Variants in GIGYF2 observed in about 807,000 individuals in gnomAD.
GIGYF2 encodes the protein GRB10-interacting GYF protein 2.
Under a neutral mutation model 208.1 loss-of-function variants are expected in GIGYF2, and 25 were observed. The ratio of observed to expected loss-of-function variants is 0.12; its 90% CI spans 0.09 to 0.17. The LOEUF (loss-of-function observed/expected upper bound fraction) is 0.17. Among genes scored for constraint, GIGYF2 ranks in the 10% least tolerant of loss-of-function variants. The pLI is 1.00. For missense variants in GIGYF2, 1,302 were observed against 1,579.4 expected (o/e 0.82, Z 2.98); for synonymous variants, 534 against 543.8 (o/e 0.98, Z 0.25).
chr2:232,819,740 C>G, intron 20 of GIGYF2, 87 bp from the exon 21 acceptor site: 2 of 779,648 alleles, frequency 2.6e-6, no homozygotes, highest in Non-Finnish European at 4.6e-6. Flanking sequence ...CAGCAGATAG[C>G]CTATTACTTT....
At chr2:232,750,753 G>GTA (rs1698308908) in intron 5 of GIGYF2, among the ~76,000 whole-genome samples, 1 of 151,594 alleles carries the variant, frequency 6.6e-6, no homozygotes, top group African/African-American at 2.4e-5. Context: ...GTGTGTGTGT[G>GTA]TGTGTGTATG....
chr2:232,747,167 G>A (rs975706863), intron 3 of GIGYF2, among the ~76,000 whole-genome samples: 15 of 152,128 alleles, frequency 9.9e-5, no homozygotes, highest in African/African-American at 2.9e-4. Flanking sequence ...ATTCTTTGAA[G>A]TGATTATTTC....
chr2:232,803,425 G>GT lies in GIGYF2; in HGVS notation c.1640-3058dup, dbSNP rs549141385. ...CTTTGCCTAGCTTTAGATGCCAATG[G>GT]TTTTTTTTGTGTGTGTGTGGAAAAA... On this transcript the variant is annotated intron_variant, in intron 14 of 28. Transcript: ENST00000373563. 5.6e-3 allele frequency among the ~76,000 whole-genome samples: 853 copies of GT among 151,756 alleles called. 11 individuals are homozygous for GT. The highest frequency in any genetic ancestry group is 0.02 in the African/African-American group (814 of 41,430).
At chr2:232,710,211 G>A (rs1335657282) in intron 2 of GIGYF2, among the ~76,000 whole-genome samples, 3 of 151,878 alleles carry the variant, frequency 2.0e-5, no homozygotes, top group East Asian at 1.9e-4. Context: ...CGTCTGTCTC[G>A]GCCTCCCAAA....
At chr2:232,817,973 A>G (rs957362656) in intron 20 of GIGYF2, among the ~76,000 whole-genome samples, 3 of 152,176 alleles carry the variant, frequency 2.0e-5, no homozygotes, top group East Asian at 1.9e-4. Context: ...GCACCACTTT[A>G]TATTCCTACT....
At chr2:232,842,059 C>T (rs930713443) in intron 23 of GIGYF2, among the ~76,000 whole-genome samples, 7 of 151,902 alleles carry the variant, frequency 4.6e-5, no homozygotes, top group African/African-American at 1.7e-4. Flanking sequence ...GGGCTGCCCT[C>T]AAACTCCTGA....
chr2:232,741,017 T>G (rs1180938531), intron 3 of GIGYF2, among the ~76,000 whole-genome samples: 1 of 152,218 alleles, frequency 6.6e-6, no homozygotes, highest in Admixed American at 6.5e-5. Context: ...GTACCTACTC[T>G]TTAATGGGGA....
intron 14 of GIGYF2, among the ~76,000 whole-genome samples, chr2:232,802,269 T>G (rs1574902092): frequency 6.6e-6 from 1 of 152,132 alleles, no homozygotes; most frequent in Admixed American, 6.5e-5. Flanking sequence ...TTGTTCTGAC[T>G]AGAACCTTTA....
chr2:232,830,404 A>G (rs1232019656), intron 21 of GIGYF2, among the ~76,000 whole-genome samples: 5 of 152,134 alleles, frequency 3.3e-5, no homozygotes, highest in Non-Finnish European at 7.3e-5. Context: ...AGAACCCCCA[A>G]ATCATTTTAT....
intron 2 of GIGYF2, among the ~76,000 whole-genome samples, chr2:232,705,207 A>G (rs1696036902): frequency 6.6e-6 from 1 of 152,004 alleles, no homozygotes; most frequent in African/African-American, 2.4e-5. Context: ...AGTATTAGGA[A>G]GCCATATAGA....
intron 28 of GIGYF2, among the ~76,000 whole-genome samples, chr2:232,855,868 A>G (rs1407013920): frequency 1.3e-5 from 2 of 151,960 alleles, no homozygotes; most frequent in Admixed American, 1.3e-4. Flanking sequence ...CCTGTCCTTG[A>G]TACACACTCA....
At chr2:232,856,566 G>A (rs753374744) in intron 28 of GIGYF2, among the ~76,000 whole-genome samples, 5 of 152,058 alleles carry the variant, frequency 3.3e-5, no homozygotes, top group South Asian at 2.1e-4. Flanking sequence ...GGTGGCATGT[G>A]TCTGTAATCC....
At chr2:232,749,214 A>G (rs1698255051) in intron 5 of GIGYF2, 132 bp downstream of exon 5, 3 of 731,904 alleles carry the variant, frequency 4.1e-6, no homozygotes, top group Non-Finnish European at 5.1e-6. Context: ...ATTTCTTGGT[A>G]TGTTGATGCT....
chr2:232,725,686 T>G (rs1004217782), intron 2 of GIGYF2, among the ~76,000 whole-genome samples: 12 of 152,248 alleles, frequency 7.9e-5, no homozygotes, highest in Non-Finnish European at 1.3e-4. Context: ...CAGAGCTTAC[T>G]TCGCATAGTT....
intron 8 of GIGYF2, among the ~76,000 whole-genome samples, chr2:232,769,862 A>G (rs532504297): frequency 6.6e-6 from 1 of 152,234 alleles, no homozygotes; most frequent in Non-Finnish European, 1.5e-5. Context: ...TTACTGATAC[A>G]TTAAATAACA....
intron 8 of GIGYF2, among the ~76,000 whole-genome samples, chr2:232,777,822 A>C (rs1262784116): frequency 6.6e-6 from 1 of 152,174 alleles, no homozygotes; most frequent in African/African-American, 2.4e-5. Context: ...CCAGCTAACA[A>C]ATTGCAGAAA....
chr2:232,756,449 A>C (rs1698545587), intron 6 of GIGYF2, 115 bp downstream of exon 6: 1 of 589,828 alleles, frequency 1.7e-6, no homozygotes, highest in Admixed American at 3.3e-5. Context: ...CATTAACTGC[A>C]TACTAAATGT....
chr2:232,856,744 C>A, intron 28 of GIGYF2, 49 bp from the exon 29 acceptor site: 1 of 1,118,382 alleles, frequency 8.9e-7, no homozygotes, highest in Non-Finnish European at 1.4e-6. Context: ...GAATTTGAGC[C>A]GCTTGGTTGC....
chr2:232,788,545 T>G (rs1699984746), intron 9 of GIGYF2: 2 of 470,918 alleles, frequency 4.2e-6, no homozygotes, highest in African/African-American at 2.0e-5. Flanking sequence ...GGATAGGATC[T>G]GGGCTGAGAG....
Sources: gnomAD v4.1 joint callset for allele counts (sites outside exome capture counted in the v4.1 genomes callset) on GRCh38, gnomAD v4.1.1 for gene constraint, MANE v1.5 for transcripts, NCBI Gene and HGNC (gene_info 2026-07-23, HGNC 2026-07-21) for gene names.